LSG1: variants seen among roughly 807,000 people sequenced by gnomAD.
The protein encoded by LSG1 is large 60S subunit nuclear export GTPase 1.
LSG1 carries 55 observed loss-of-function variants against 82.6 expected under a neutral mutation model. The ratio of observed to expected loss-of-function variants is 0.67; its 90% CI spans 0.54 to 0.83. The LOEUF is 0.83. LSG1 is among the 40% of genes least tolerant of loss of function. The probability of loss-of-function intolerance (pLI) is 0.00; values close to 1 mark genes in which losing one functional copy is unlikely to be tolerated. For missense variants in LSG1, 809 were observed against 807.9 expected, an observed-to-expected ratio of 1.00 and a Z score of -0.02; for synonymous variants, 272 against 282.5, an observed-to-expected ratio of 0.96 and a Z score of 0.37.
rs760626521 is a variant in LSG1 at position 194,672,174 on chromosome 3, C to T, written c.-12G>A. 1.2e-5 allele frequency: 19 copies of T among 1,587,324 alleles called. No individual in the cohort carries two copies. The highest frequency in any genetic ancestry group is 1.6e-5 in the Non-Finnish European group (19 of 1,168,740). ...CTCCTCCGGCCCATGGCAACACGAC[C>T]GCTGGACGAAGCTTCCCGGCTCGGC... On this transcript the variant is annotated 5_prime_UTR_variant, in exon 1 of 14. Transcript: ENST00000265245.
intron 1 of LSG1, 85 bp from the exon 2 acceptor site, chr3:194,670,220 C>T (rs1345904888): frequency 1.4e-6 from 2 of 1,462,884 alleles, no homozygotes; most frequent in Admixed American, 1.7e-5. Flanking sequence ...TGCAACTAGT[C>T]TATGGTCTTG....
intron 13 of LSG1, among the ~76,000 whole-genome samples, chr3:194,644,208 G>A (rs1018852269): frequency 1.3e-5 from 2 of 151,080 alleles, no homozygotes; most frequent in African/African-American, 4.9e-5. Flanking sequence ...TAAAAATACA[G>A]AAAATTAGCC....
intron 10 of LSG1, chr3:194,649,091 A>G (rs1212521392): frequency 3.5e-6 from 1 of 283,012 alleles, no homozygotes; most frequent in Non-Finnish European, 6.6e-6. Flanking sequence ...TGAAAAGATT[A>G]CGCATTTGTG....
At chr3:194,671,806 A>G (rs1372401442) in intron 1 of LSG1, 2 of 523,196 alleles carry the variant, frequency 3.8e-6, no homozygotes, top group African/African-American at 2.0e-5. Context: ...CGTACTCAAG[A>G]CCTGGCATTG....
At chr3:194,643,626 T>C (rs934825670) in intron 13 of LSG1, among the ~76,000 whole-genome samples, 8 of 152,088 alleles carry the variant, frequency 5.3e-5, no homozygotes, top group Non-Finnish European at 8.8e-5. Flanking sequence ...ACAGCCACGT[T>C]TGGAAAGTTT....
intron 8 of LSG1, among the ~76,000 whole-genome samples, chr3:194,652,402 G>T (rs1484222528): frequency 6.6e-6 from 1 of 152,224 alleles, no homozygotes; most frequent in Non-Finnish European, 1.5e-5. Context: ...AAAGAACACT[G>T]GGCTGAAGTC....
Position 194,646,153 on chromosome 3 carries a change from G to T in LSG1, c.1623+11C>A, listed in dbSNP as rs952683368. ...GTGTATTGGAGAGCATGAGAGGCAGGGTTCACTTACACTGACATAGTCCTT... is the reference window on the plus strand; with the variant it reads ...GTGTATTGGAGAGCATGAGAGGCAGTGTTCACTTACACTGACATAGTCCTT... On this transcript the variant is annotated intron_variant, in intron 12 of 13. Coordinates refer to ENST00000265245, the MANE Select transcript of LSG1 (RefSeq NM_018385.3). 6.2e-7 allele frequency: 1 copy of T among 1,613,194 alleles called. No homozygotes were observed. The highest frequency in any genetic ancestry group is 1.1e-5 in the South Asian group (1 of 91,030).
intron 1 of LSG1, among the ~76,000 whole-genome samples, chr3:194,671,390 G>A (rs1290664982): frequency 6.6e-6 from 1 of 152,130 alleles, no homozygotes; most frequent in Non-Finnish European, 1.5e-5. Context: ...TGTGACAGTG[G>A]CACACGCTTA....
In LSG1 at chr3:194,665,577, G is replaced by C; in HGVS notation, c.501C>G (p.Leu167=). Residue 167 remains leucine, a synonymous_variant, in exon 5 of 14, where the codon CTC becomes CTG. Coordinates refer to ENST00000265245, the MANE Select transcript of LSG1 (RefSeq NM_018385.3). ...FERNLDFWRQ[L]WRVIERSDIV... ...TTCACCTTCTCTCAATGACTCTCCA[G>C]AGCTGGCGCCAAAAGTCCAAATTTC... 1 of 1,612,980 alleles carries C rather than the reference G, an allele frequency of 6.2e-7. No homozygotes were observed.
At chr3:194,654,483 A>G (rs1718752486) in intron 7 of LSG1, among the ~76,000 whole-genome samples, 1 of 152,226 alleles carries the variant, frequency 6.6e-6, no homozygotes, top group Non-Finnish European at 1.5e-5. Context: ...AATAAAAACA[A>G]AATGTCAGGA....
At chr3:194,663,399 C>T (rs7636385) in intron 5 of LSG1, among the ~76,000 whole-genome samples, 15,227 of 35,146 alleles carry the variant, frequency 0.43, 3,548 homozygotes, top group East Asian at 0.81. Context: ...TCCCTTCTTC[C>T]GCCTCAGAGA....
chr3:194,663,369 T>G (rs922846349), intron 5 of LSG1, among the ~76,000 whole-genome samples: 6 of 149,764 alleles, frequency 4.0e-5, no homozygotes, highest in Non-Finnish European at 4.4e-5. Flanking sequence ...TTTCCCTTCT[T>G]CCGCCTCAGA....
At chr3:194,656,742 A>C (rs4417812) in intron 7 of LSG1, among the ~76,000 whole-genome samples, 67,600 of 150,310 alleles carry the variant, frequency 0.45, 15,814 homozygotes, top group Non-Finnish European at 0.53. Context: ...AGACTTGGAA[A>C]CAACCCAAAT....
intron 3 of LSG1, 44 bp downstream of exon 3, chr3:194,666,408 A>G: frequency 6.2e-7 from 1 of 1,607,960 alleles, no homozygotes; most frequent in Non-Finnish European, 8.5e-7. Context: ...AATACTCAGC[A>G]GCCTCGGATG....
chr3:194,646,509 C>CTTTAT, intron 11 of LSG1: 1 of 291,902 alleles, frequency 3.4e-6, no homozygotes, highest in South Asian at 7.4e-5. Flanking sequence ...TATTTCTTCT[C>CTTTAT]TTTATTTTAT....
intron 1 of LSG1, among the ~76,000 whole-genome samples, chr3:194,671,093 C>G (rs923647247): frequency 6.6e-6 from 1 of 152,256 alleles, no homozygotes; most frequent in East Asian, 1.9e-4. Flanking sequence ...GTGACCCTGT[C>G]TCTAAAAATG....
intron 12 of LSG1, among the ~76,000 whole-genome samples, chr3:194,645,567 C>CAG (rs1718524070): frequency 2.1e-4 from 11 of 52,692 alleles, no homozygotes; most frequent in Admixed American, 8.5e-4. Context: ...CACACACACA[C>CAG]ACAGACAGAC....
intron 11 of LSG1, among the ~76,000 whole-genome samples, chr3:194,647,639 GACTC>G (rs1339141845): frequency 1.3e-5 from 2 of 152,142 alleles, no homozygotes; most frequent in Non-Finnish European, 2.9e-5. Flanking sequence ...CATCTTAAAA[GACTC>G]ACATTATTTT....
intron 12 of LSG1, chr3:194,645,529 CAGACAG>C (rs749440556): frequency 0.064 from 2,877 of 44,836 alleles, 236 homozygotes; most frequent in East Asian, 0.083. Flanking sequence ...CACACACACA[CAGACAG>C]ACACACACAC....
Sources: allele counts gnomAD v4.1 joint callset (sites outside exome capture counted in the v4.1 genomes callset), GRCh38; gene constraint gnomAD v4.1.1; transcripts MANE v1.5; gene names NCBI Gene and HGNC (gene_info 2026-07-23, HGNC 2026-07-21).